Variants in PCDHA8 observed in about 807,000 individuals in gnomAD.
The protein encoded by PCDHA8 is protocadherin alpha 8.
Under a neutral mutation model 61.8 loss-of-function variants are expected in PCDHA8, and 53 were observed. The observed-to-expected ratio is 0.86, with a 90% CI of 0.69 to 1.08. The LOEUF is 1.08. Ranked by LOEUF, PCDHA8 falls within the 50% of genes least tolerant of loss-of-function variation. The pLI, the probability that PCDHA8 is intolerant of heterozygous loss-of-function variation, is 0.00. For synonymous variants in PCDHA8, 618 were observed against 556.6 expected (o/e 1.11, Z -1.55); for missense variants, 1,293 against 1,245.0 (o/e 1.04, Z -0.58).
chr5:140,925,084 AGGAAGGAAGGAAGGAAGGAAGGAG>A (rs1554202501), intron 1 of PCDHA8, among the ~76,000 whole-genome samples: 1 of 144,612 alleles, frequency 6.9e-6, no homozygotes, highest in Admixed American at 6.7e-5. Flanking sequence ...TCATCTGGAA[AGGAAGGAAGGAAGGAAGGAAGGAG>A]GGAAGGAAGG....
chr5:140,883,355 A>T (rs763058953), intron 1 of PCDHA8: 2 of 1,614,076 alleles, frequency 1.2e-6, no homozygotes, highest in Admixed American at 3.3e-5. Context: ...CAGAGAAGAC[A>T]CTCAGCCTAG....
At chr5:140,995,577 A>G (rs892793952) in intron 3 of PCDHA8, among the ~76,000 whole-genome samples, 7 of 152,242 alleles carry the variant, frequency 4.6e-5, no homozygotes, top group Non-Finnish European at 1.0e-4. Flanking sequence ...AAGATGAGCT[A>G]TGAGCTTTTA....
intron 1 of PCDHA8, among the ~76,000 whole-genome samples, chr5:140,936,711 A>G (rs2091105126): frequency 6.6e-6 from 1 of 152,212 alleles, no homozygotes; most frequent in African/African-American, 2.4e-5. Flanking sequence ...TCTTGTGCCA[A>G]TACATTCTGT....
At chr5:140,918,928 C>A (rs2078929450) in intron 1 of PCDHA8, among the ~76,000 whole-genome samples, 1 of 152,172 alleles carries the variant, frequency 6.6e-6, no homozygotes, top group South Asian at 2.1e-4. Context: ...CAGCATATGG[C>A]ATTTTGTTAT....
chr5:140,952,157 T>TG (rs771517820), intron 1 of PCDHA8, among the ~76,000 whole-genome samples: 33 of 152,162 alleles, frequency 2.2e-4, no homozygotes, highest in Non-Finnish European at 4.3e-4. Flanking sequence ...TGTGGCTTTG[T>TG]GGGGTTCAGT....
At chr5:140,886,364 C>T (rs2060956289) in intron 1 of PCDHA8, among the ~76,000 whole-genome samples, 1 of 152,082 alleles carries the variant, frequency 6.6e-6, no homozygotes. Context: ...CATAGGTGTA[C>T]ATGCCATGGT....
intron 1 of PCDHA8, chr5:140,884,631 A>G: frequency 2.5e-6 from 4 of 1,612,580 alleles, no homozygotes; most frequent in Non-Finnish European, 3.4e-6. Flanking sequence ...GGAACAGGCC[A>G]GAGGGAGGAG....
intron 1 of PCDHA8, among the ~76,000 whole-genome samples, chr5:140,904,217 T>C (rs1554191375): frequency 6.6e-6 from 1 of 151,964 alleles, no homozygotes; most frequent in Non-Finnish European, 1.5e-5. Flanking sequence ...CCAAAGTCCA[T>C]TGTATTATAC....
At chr5:140,871,015 G>C in intron 1 of PCDHA8, 1 of 1,613,244 alleles carries the variant, frequency 6.2e-7, no homozygotes, top group Non-Finnish European at 8.5e-7. Context: ...TGCCCTGGAC[G>C]AGGCAGACTC....
Position 140,841,890 on chromosome 5 carries a change from A to G in PCDHA8, c.569A>G (p.Lys190Arg). 6.2e-7 allele frequency: 1 copy of G among 1,613,830 alleles called. No homozygotes were observed. The highest frequency in any genetic ancestry group is 8.5e-7 in the Non-Finnish European group (1 of 1,179,832). ...GTGAATTCAAAGAACGATGAGAATAAACTGGTTGAGCTCGTATTAAGAAAA... is the reference window on the plus strand; with the variant it reads ...GTGAATTCAAAGAACGATGAGAATAGACTGGTTGAGCTCGTATTAAGAAAA... ...LDVNSKNDEN[K>R]LVELVLRKSL... Residue 190 changes from lysine (K) to arginine (R), a missense_variant, in exon 1 of 4, where the codon AAA (lysine) becomes AGA (arginine). Lys to Arg is a conservative substitution (Grantham distance 26). Coordinates refer to ENST00000531613, the MANE Select transcript of PCDHA8 (RefSeq NM_018911.3).
intron 1 of PCDHA8, among the ~76,000 whole-genome samples, chr5:140,975,810 A>T (rs1310331964): frequency 7.4e-6 from 1 of 134,690 alleles, no homozygotes; most frequent in African/African-American, 2.5e-5. Context: ...TTATAATTTT[A>T]ATAGGAACTG....
chr5:140,865,725 A>G (rs1326307411), intron 1 of PCDHA8: 1 of 152,210 alleles, frequency 6.6e-6, no homozygotes, highest in Non-Finnish European at 1.5e-5. Context: ...AGAAGCTGAG[A>G]TGTGTATCTA....
At position 140,929,035 on chromosome 5, in the gene PCDHA8, G is replaced by T. The variant is rs6877058; in HGVS notation, c.2395-49914G>T. 2.5e-3 allele frequency: 4,027 copies of T among 1,614,128 alleles called. 64 individuals are homozygous for T. In the African/African-American group the frequency reaches 0.039, roughly 15 times the overall value. On this transcript the variant is annotated intron_variant, in intron 1 of 3. Coordinates refer to ENST00000531613, the MANE Select transcript of PCDHA8 (RefSeq NM_018911.3). The stretch of plus-strand genomic sequence containing the variant: ...GTTGCACCAGAGCCCAGGCTGTTGC[G>T]CTCAGAGCTGCTGTCGCTCTACAGA...
At chr5:140,965,893 C>G (rs1173111476) in intron 1 of PCDHA8, among the ~76,000 whole-genome samples, 1 of 152,226 alleles carries the variant, frequency 6.6e-6, no homozygotes, top group Non-Finnish European at 1.5e-5. Context: ...AGAATTGAGT[C>G]TTGGATCCCA....
intron 1 of PCDHA8, among the ~76,000 whole-genome samples, chr5:140,906,171 C>T (rs2072420841): frequency 6.6e-6 from 1 of 152,178 alleles, no homozygotes; most frequent in Non-Finnish European, 1.5e-5. Flanking sequence ...AGGAACAATA[C>T]TTTGCATCCT....
rs1432987823 is a variant in PCDHA8, at chr5:140,905,869, AAGGCCCAACAAT to A, written c.2394+62160_2394+62171del. ...AAGGAGTATTAACTCACACAATCAC[AAGGCCCAACAAT>A]AGGCCATCTGCAAGCTGAGGAGCAA... On this transcript the variant is annotated intron_variant, in intron 1 of 3. Coordinates refer to ENST00000531613, the MANE Select transcript of PCDHA8 (RefSeq NM_018911.3). 1.1e-4 allele frequency among the ~76,000 whole-genome samples: 17 copies of A among 152,326 alleles called. No individual in the cohort carries two copies. In the South Asian group the frequency reaches 3.5e-3, roughly 32 times the overall value.
chr5:140,921,693 C>A (rs115825687), intron 1 of PCDHA8, among the ~76,000 whole-genome samples: 103 of 152,244 alleles, frequency 6.8e-4, no homozygotes, highest in African/African-American at 2.4e-3. Flanking sequence ...CTGGCCACCT[C>A]AATTTTAAAC....
intron 3 of PCDHA8, among the ~76,000 whole-genome samples, chr5:141,003,969 G>A (rs781827494): frequency 2.0e-5 from 3 of 152,158 alleles, no homozygotes; most frequent in Non-Finnish European, 4.4e-5. Flanking sequence ...GAGCATAAGG[G>A]AGGGGACTTG....
In PCDHA8 at chr5:140,841,821, T is replaced by G; in HGVS notation, c.500T>G (p.Val167Gly). ...GATGCAGATGTTGGAGCTAACTCCG[T>G]GTTAACCTACAGGCTTAGCTCTCAT... ...ASDADVGANS[V>G]LTYRLSSHDY... Residue 167 changes from valine to glycine, a missense_variant, in exon 1 of 4, where the codon GTG becomes GGG. Coordinates refer to ENST00000531613, the MANE Select transcript of PCDHA8 (RefSeq NM_018911.3). 1 of 1,613,940 alleles carries G rather than the reference T, an allele frequency of 6.2e-7. No individual in the cohort carries two copies. The highest frequency in any genetic ancestry group is 8.5e-7 in the Non-Finnish European group (1 of 1,179,884).
Sources: allele counts gnomAD v4.1 joint callset (sites outside exome capture counted in the v4.1 genomes callset), GRCh38; gene constraint gnomAD v4.1.1; transcripts MANE v1.5; gene names NCBI Gene and HGNC (gene_info 2026-07-23, HGNC 2026-07-21).